The following ZFYVE16 variants were observed in gnomAD, a reference collection of about 807,000 sequenced individuals.
ZFYVE16 encodes zinc finger FYVE domain-containing protein 16.
In ZFYVE16, 89 loss-of-function variants were observed where a neutral mutation model predicts 138.1. That is an observed-to-expected ratio of 0.64 (90% confidence interval 0.54 to 0.77). The LOEUF is 0.77. Ranked by LOEUF, ZFYVE16 falls within the 30% of genes least tolerant of loss-of-function variation. The probability of loss-of-function intolerance (pLI) is 0.00; values close to 1 mark genes in which losing one functional copy is unlikely to be tolerated. For synonymous variants in ZFYVE16, 596 were observed against 618.3 expected (o/e 0.96, Z 0.53); for missense variants, 1,793 against 1,786.7 (o/e 1.00, Z -0.06).
At chr5:80,444,445 C>CT (rs61461674) in intron 6 of ZFYVE16, among the ~76,000 whole-genome samples, 17 of 145,190 alleles carry the variant, frequency 1.2e-4, no homozygotes, top group African/African-American at 3.0e-4. Flanking sequence ...AGACATTGAA[C>CT]TTTTTTTTTT....
At chr5:80,462,806 T>C (rs1204638139) in intron 15 of ZFYVE16, among the ~76,000 whole-genome samples, 1 of 152,170 alleles carries the variant, frequency 6.6e-6, no homozygotes, top group Non-Finnish European at 1.5e-5. Flanking sequence ...GTTGGGTAAA[T>C]ACACCCGTTC....
intron 2 of ZFYVE16, 63 bp downstream of exon 2, chr5:80,427,608 T>C (rs1303218575): frequency 8.5e-6 from 1 of 118,218 alleles, no homozygotes; most frequent in African/African-American, 2.9e-5. Flanking sequence ...CTCTGTCGTA[T>C]GCTTTTTTTT....
intron 2 of ZFYVE16, among the ~76,000 whole-genome samples, 194 bp from the exon 3 acceptor site, chr5:80,433,915 T>A (rs1749496029): frequency 6.6e-6 from 1 of 152,166 alleles, no homozygotes; most frequent in Admixed American, 6.5e-5. Flanking sequence ...AATATTATGT[T>A]GTTAGAGTTG....
chr5:80,440,993 G>A (rs919903250), intron 5 of ZFYVE16: 2 of 985,270 alleles, frequency 2.0e-6, no homozygotes, highest in Non-Finnish European at 2.4e-6. Context: ...CCTCTGCTCT[G>A]GAAGATAACA....
At position 80,438,964 on chromosome 5, in the gene ZFYVE16, T is replaced by A. The variant is rs1369910193; in HGVS notation, c.2279T>A (p.Phe760Tyr). 6.2e-7 allele frequency: 1 copy of A among 1,613,400 alleles called. No individual in the cohort carries two copies. The change falls in exon 4 of 19, where the codon TTT becomes TAT. Residue 760 changes from phenylalanine to tyrosine, a missense_variant. By Grantham distance (22) the Phe-to-Tyr change is conservative. This residue lies in a region of ZFYVE16 where 1,295 missense variants were observed against 1,204.3 expected (regional missense o/e 1.08). Transcript: ENST00000505560. ...AACTGTATGAACTGCCAAGTCAAAT[T>A]TACTTTTACCAAACGGCGACACCAT... Reference protein sequence around the residue: ...APNCMNCQVKFTFTKRRHHCR... With the variant: ...APNCMNCQVKYTFTKRRHHCR...
intron 2 of ZFYVE16, among the ~76,000 whole-genome samples, chr5:80,428,152 T>C (rs1406072278): frequency 6.6e-6 from 1 of 152,058 alleles, no homozygotes. Flanking sequence ...ACGGACAGAC[T>C]GTCTCCTCAA....
At chr5:80,456,884 A>G in intron 13 of ZFYVE16, 61 bp from the exon 14 acceptor site, 1 of 1,514,624 alleles carries the variant, frequency 6.6e-7, no homozygotes, top group Middle Eastern at 1.8e-4. Flanking sequence ...TGGCTCTTAG[A>G]ATAGGCATAT....
At chr5:80,408,684 T>G (rs1744988056) in intron 1 of ZFYVE16, among the ~76,000 whole-genome samples, 1 of 152,274 alleles carries the variant, frequency 6.6e-6, no homozygotes, top group Admixed American at 6.5e-5. Flanking sequence ...TCTTTCCCGC[T>G]GCCTTTCCTT....
chr5:80,470,479 G>A (rs987021193), intron 15 of ZFYVE16, among the ~76,000 whole-genome samples: 9 of 151,890 alleles, frequency 5.9e-5, no homozygotes, highest in Non-Finnish European at 7.4e-5. Flanking sequence ...TTCATTTGCC[G>A]AAGGGGTCAC....
intron 1 of ZFYVE16, among the ~76,000 whole-genome samples, chr5:80,415,777 C>T (rs1285630012): frequency 2.6e-5 from 4 of 152,086 alleles, no homozygotes; most frequent in Non-Finnish European, 5.9e-5. Flanking sequence ...AAGCGATTCT[C>T]CTGCCTCAGC....
chr5:80,457,373 T>A (rs1752627989), intron 14 of ZFYVE16, among the ~76,000 whole-genome samples: 1 of 152,214 alleles, frequency 6.6e-6, no homozygotes. Context: ...AGTAATTTCT[T>A]TCTGAAATAA....
At chr5:80,409,091 A>G (rs1745062576) in intron 1 of ZFYVE16, among the ~76,000 whole-genome samples, 1 of 152,232 alleles carries the variant, frequency 6.6e-6, no homozygotes, top group African/African-American at 2.4e-5. Context: ...CCACCATGTA[A>G]TAGTAATCAA....
At chr5:80,448,540 A>G (rs980585427) in intron 8 of ZFYVE16, 136 bp downstream of exon 8, 1 of 823,534 alleles carries the variant, frequency 1.2e-6, no homozygotes, top group South Asian at 5.0e-5. Flanking sequence ...TTGTTTACAG[A>G]AAGTCTTATT....
In ZFYVE16 at chr5:80,474,808, G is replaced by A. The variant is rs199665165; in HGVS notation, c.4439G>A (p.Arg1480Lys). Residue 1480 changes from arginine to lysine, a missense_variant, in exon 18 of 19, where the codon AGA becomes AAA. By Grantham distance (26) the Arg-to-Lys change is conservative (BLOSUM62 2). Around this residue, in one of 2 missense-constraint regions of ZFYVE16, gnomAD observed 498 missense variants for 582.4 expected, o/e 0.86. Coordinates refer to ENST00000505560, the MANE Select transcript of ZFYVE16 (RefSeq NM_001284236.3). ...KSNGMNKIGL[R>K]VSIDTDMVEF... ...AATGGGATGAATAAAATTGGACTCA[G>A]AGTTTCCATTGACACTGATATGGTG... 149 of 1,612,870 alleles carry A rather than the reference G, an allele frequency of 9.2e-5. No individual in the cohort carries two copies. The highest frequency in any genetic ancestry group is 1.2e-4 in the Non-Finnish European group (145 of 1,179,480).
At chr5:80,456,625 GT>G in intron 13 of ZFYVE16, 60 bp downstream of exon 13, 1 of 1,442,896 alleles carries the variant, frequency 6.9e-7, no homozygotes, top group Non-Finnish European at 9.5e-7. Context: ...CCTTAGAATT[GT>G]GTCACATTAA....
At chr5:80,467,900 T>C (rs1753900401) in intron 15 of ZFYVE16, among the ~76,000 whole-genome samples, 1 of 152,138 alleles carries the variant, frequency 6.6e-6, no homozygotes, top group African/African-American at 2.4e-5. Flanking sequence ...GAGAATGATG[T>C]CCAACCAAAC....
chr5:80,415,423 G>A (rs1243037396), intron 1 of ZFYVE16, among the ~76,000 whole-genome samples: 1 of 152,094 alleles, frequency 6.6e-6, no homozygotes, highest in Non-Finnish European at 1.5e-5. Context: ...TCCCATCCAG[G>A]ATACCACATT....
At chr5:80,470,131 T>C (rs1754217051) in intron 15 of ZFYVE16, among the ~76,000 whole-genome samples, 3 of 124,508 alleles carry the variant, frequency 2.4e-5, no homozygotes, top group Admixed American at 9.6e-5. Flanking sequence ...AGACAGAGTC[T>C]CACCCTTTCA....
intron 9 of ZFYVE16, 151 bp downstream of exon 9, chr5:80,449,864 C>A: frequency 1.3e-6 from 1 of 767,990 alleles, no homozygotes; most frequent in Non-Finnish European, 2.0e-6. Context: ...ATAAATTTTG[C>A]AAATTTATGT....
Sources: gnomAD v4.1 joint callset for allele counts (sites outside exome capture counted in the v4.1 genomes callset) on GRCh38, gnomAD v4.1.1 for gene constraint, gnomAD v4.1.1 regional missense constraint, MANE v1.5 for transcripts, NCBI Gene and HGNC (gene_info 2026-07-23, HGNC 2026-07-21) for gene names.